The following PRKRIP1 variants were observed in gnomAD, a reference collection of about 807,000 sequenced individuals.
The protein encoded by PRKRIP1 is PRKR-interacting protein 1.
PRKRIP1 carries 29 observed loss-of-function variants against 29.3 expected under a neutral mutation model. That is an observed-to-expected ratio of 0.99 (90% CI 0.74 to 1.35). PRKRIP1 has a LOEUF of 1.35. Ranked by LOEUF, PRKRIP1 falls within the 40% of genes most tolerant of loss-of-function variation. The pLI is 0.00. For synonymous variants in PRKRIP1, 90 were observed against 85.1 expected (o/e 1.06, Z -0.32); for missense variants, 247 against 236.8 (o/e 1.04, Z -0.28).
chr7:102,397,554 G>C, intron 1 of PRKRIP1, 66 bp from the exon 2 acceptor site: 1 of 1,294,468 alleles, frequency 7.7e-7, no homozygotes, highest in Non-Finnish European at 1.1e-6. Flanking sequence ...TCTAAAAAAA[G>C]AGAGGGAGAT....
chr7:102,410,667 CGAG>C (rs1554572445), intron 5 of PRKRIP1, among the ~76,000 whole-genome samples: 2 of 152,076 alleles, frequency 1.3e-5, no homozygotes, highest in East Asian at 1.9e-4. Flanking sequence ...TTGAACAGCT[CGAG>C]GAGCATTTCC....
In PRKRIP1 at chr7:102,425,224, A is replaced by G; in HGVS notation, c.*113A>G. 1 of 1,524,846 alleles carries G rather than the reference A, an allele frequency of 6.6e-7. No individual in the cohort carries two copies. The highest frequency in any genetic ancestry group is 8.8e-7 in the Non-Finnish European group (1 of 1,141,294). The allele number at this position is 1,524,846 out of a possible 1,614,324, so 94.5% of individuals were successfully genotyped here. Reference sequence around the variant, plus strand: ...GGACCCGCTGACCCGCTGGATGGAGAGCAAAGGAGACCCCTCCCGAGCCGC... The same window carrying G: ...GGACCCGCTGACCCGCTGGATGGAGGGCAAAGGAGACCCCTCCCGAGCCGC... On this transcript the variant is annotated 3_prime_UTR_variant, in exon 6 of 6. Transcript: ENST00000397912.
intron 3 of PRKRIP1, among the ~76,000 whole-genome samples, chr7:102,402,305 G>T (rs1377148474): frequency 9.2e-5 from 14 of 152,110 alleles, no homozygotes; most frequent in African/African-American, 3.4e-4. Flanking sequence ...AGATGTGGTG[G>T]TAGCCACCTG....
At chr7:102,417,603 C>G (rs1478065099) in intron 5 of PRKRIP1, among the ~76,000 whole-genome samples, 1 of 149,056 alleles carries the variant, frequency 6.7e-6, no homozygotes, top group African/African-American at 2.5e-5. Context: ...TTGACAAAGT[C>G]CCATCATTGT....
rs781847214 is a variant in PRKRIP1, at chr7:102,404,594, G to A, written c.307-4G>A. ...GTGTCTAAATGATGTGGGTTTTGTT[G>A]CAGCAAAAATTGGATGCAGAGTTTC... On this transcript the variant is annotated splice_polypyrimidine_tract_variant and splice_region_variant and intron_variant, in intron 3 of 5. Coordinates refer to ENST00000397912, the MANE Select transcript of PRKRIP1 (RefSeq NM_024653.4). The A allele has an allele frequency of 1.5e-5, 25 of 1,613,044 alleles. No individual in the cohort carries two copies. In the African/African-American group the frequency reaches 2.9e-4, roughly 19 times the overall value.
In PRKRIP1 at chr7:102,404,542, C is replaced by A; in HGVS notation, c.307-56C>A. 5 of 1,472,906 alleles carry A rather than the reference C, an allele frequency of 3.4e-6. No individual in the cohort carries two copies. In the African/African-American group the frequency reaches 5.6e-5, roughly 16 times the overall value. 91.2% of individuals were successfully genotyped at this position (1,472,906 alleles called of 1,614,324 possible). On this transcript the variant is annotated intron_variant, in intron 3 of 5. Coordinates refer to ENST00000397912, the MANE Select transcript of PRKRIP1 (RefSeq NM_024653.4). ...ACTCTCCTACTTTGCCTGAGCAAAA[C>A]CTCCCACAGTCTGCCCAGACCAGAG... is the stretch of plus-strand genomic sequence containing the variant.
chr7:102,398,903 G>A (rs1332699136), intron 2 of PRKRIP1, among the ~76,000 whole-genome samples: 13 of 152,118 alleles, frequency 8.5e-5, no homozygotes, highest in Non-Finnish European at 7.4e-5. Context: ...GCCGAGACAG[G>A]AGAATTGCTC....
chr7:102,411,594 A>AG (rs1336514645), intron 5 of PRKRIP1, among the ~76,000 whole-genome samples: 1 of 151,906 alleles, frequency 6.6e-6, no homozygotes, highest in Non-Finnish European at 1.5e-5. Flanking sequence ...TATATTGGCC[A>AG]GGTTGATCTT....
intron 1 of PRKRIP1, among the ~76,000 whole-genome samples, 169 bp from the exon 2 acceptor site, chr7:102,397,451 C>T (rs1756376946): frequency 6.6e-6 from 1 of 151,924 alleles, no homozygotes; most frequent in Non-Finnish European, 1.5e-5. Flanking sequence ...GAGACTGAAC[C>T]GGGAGGATCA....
rs782220241 is a variant in PRKRIP1 at position 102,407,466 on chromosome 7, A to C, written c.425A>C (p.Lys142Thr). 5 of 1,613,148 alleles carry C rather than the reference A, an allele frequency of 3.1e-6. No homozygotes were observed. In the South Asian group the frequency reaches 5.5e-5, roughly 18 times the overall value. ...QKLKEKKLLA[K>T]KMKLEQKKQE... ...TTAAAAGAGAAGAAATTACTGGCAAAGAAGATGAAACTTGAACAGAAGAAA... is the reference window on the plus strand; with the variant it reads ...TTAAAAGAGAAGAAATTACTGGCAACGAAGATGAAACTTGAACAGAAGAAA... Residue 142 changes from lysine to threonine, a missense_variant, in exon 5 of 6, where the codon AAG becomes ACG. By Grantham distance (78) the Lys-to-Thr change is moderately conservative. Transcript: ENST00000397912.
intron 5 of PRKRIP1, among the ~76,000 whole-genome samples, chr7:102,410,422 C>G (rs782179086): frequency 2.6e-5 from 4 of 152,160 alleles, no homozygotes; most frequent in Non-Finnish European, 5.9e-5. Flanking sequence ...TGAGTCAGAG[C>G]AACTAAAGAC....
At chr7:102,422,619 G>A (rs1284004058) in intron 5 of PRKRIP1, among the ~76,000 whole-genome samples, 1 of 152,014 alleles carries the variant, frequency 6.6e-6, no homozygotes, top group Admixed American at 6.6e-5. Flanking sequence ...TACGATTACA[G>A]GCGTGAGCCA....
chr7:102,416,161 C>A (rs1294315528), intron 5 of PRKRIP1, among the ~76,000 whole-genome samples: 3 of 152,246 alleles, frequency 2.0e-5, no homozygotes, highest in Non-Finnish European at 2.9e-5. Flanking sequence ...GCAGGCCCTG[C>A]CAGATCAGAT....
At chr7:102,419,577 C>T (rs1418922239) in intron 5 of PRKRIP1, among the ~76,000 whole-genome samples, 8 of 152,164 alleles carry the variant, frequency 5.3e-5, no homozygotes, top group African/African-American at 1.9e-4. Context: ...TCCCAACCCC[C>T]AGCCCCTGGC....
chr7:102,414,226 A>G (rs1181460832), intron 5 of PRKRIP1, among the ~76,000 whole-genome samples: 2 of 146,784 alleles, frequency 1.4e-5, no homozygotes, highest in Non-Finnish European at 1.5e-5. Context: ...ATTCTGTCTC[A>G]AAAAAAGAAA....
rs529909414 is a variant in PRKRIP1, at chr7:102,404,908, C to G, written c.392+225C>G. ...AGGACTTCAGTGATCACATTGATTT[C>G]TGTGTCTCCTTCAGGTCTGTATTTT... On this transcript the variant is annotated intron_variant, in intron 4 of 5. Coordinates refer to ENST00000397912, the MANE Select transcript of PRKRIP1 (RefSeq NM_024653.4). Among the ~76,000 whole-genome samples, 10 of 152,032 alleles carry G rather than the reference C, an allele frequency of 6.6e-5. No homozygotes were observed. In the South Asian group the frequency reaches 2.1e-3, roughly 32 times the overall value.
intron 5 of PRKRIP1, among the ~76,000 whole-genome samples, chr7:102,408,165 C>T (rs763465438): frequency 4.1e-4 from 62 of 152,152 alleles, no homozygotes; most frequent in Admixed American, 3.9e-4. Context: ...GGCACCGTAC[C>T]TGTGTTCAAA....
At chr7:102,403,095 G>A (rs921671675) in intron 3 of PRKRIP1, among the ~76,000 whole-genome samples, 1 of 152,094 alleles carries the variant, frequency 6.6e-6, no homozygotes. Context: ...CACTGGTCTC[G>A]AACTCTGGAC....
intron 5 of PRKRIP1, among the ~76,000 whole-genome samples, chr7:102,408,401 T>C (rs1262722961): frequency 6.6e-6 from 1 of 152,122 alleles, no homozygotes; most frequent in Non-Finnish European, 1.5e-5. Flanking sequence ...CCTAGCCAGA[T>C]CCAGGTCCCA....
Sources: allele counts gnomAD v4.1 joint callset (sites outside exome capture counted in the v4.1 genomes callset), GRCh38; gene constraint gnomAD v4.1.1; transcripts MANE v1.5; gene names NCBI Gene and HGNC (gene_info 2026-07-23, HGNC 2026-07-21).